TTC39B: variants seen among roughly 807,000 people sequenced by gnomAD.
TTC39B encodes the protein tetratricopeptide repeat protein 39B.
Under a neutral mutation model 96.6 loss-of-function variants are expected in TTC39B, and 92 were observed. The ratio of observed to expected loss-of-function variants is 0.95; its 90% CI spans 0.80 to 1.13. The LOEUF (loss-of-function observed/expected upper bound fraction) is 1.13. Among genes scored for constraint, TTC39B ranks in the 50% most tolerant of loss-of-function variants. The pLI is 0.00. For synonymous variants in TTC39B, 367 were observed against 299.4 expected (o/e 1.23, Z -2.33); for missense variants, 955 against 809.3 (o/e 1.18, Z -2.18).
chr9:15,237,246 C>T (rs913226217), intron 2 of TTC39B, among the ~76,000 whole-genome samples: 10 of 152,032 alleles, frequency 6.6e-5, no homozygotes, highest in South Asian at 2.1e-4. Flanking sequence ...ACCCGGGAGG[C>T]GGAGGTTGCA....
Position 15,167,005 on chromosome 9 carries a change from TA to T in TTC39B, c.*5013del, listed in dbSNP as rs1817535367. 3.5e-3 allele frequency: 27 copies of T among 7,676 alleles called. 2 individuals are homozygous for T. Among genetic ancestry groups the T allele is most frequent in the South Asian group, 0.014 (3 of 220 alleles). The allele number at this position is 7,676 out of a possible 1,614,324, so 0.5% of individuals were successfully genotyped here. A position where few individuals can be genotyped will look rare whatever the true frequency, so the allele number is the denominator to read the frequency against. On this transcript the variant is annotated 3_prime_UTR_variant, in exon 20 of 20. Transcript: ENST00000512701. The stretch of plus-strand genomic sequence containing the variant: ...TTTTATATATATATATATATATATA[TA>T]TATATATATATATATATATATATTT...
chr9:15,305,066 A>C (rs987542494), intron 1 of TTC39B, among the ~76,000 whole-genome samples: 2 of 152,074 alleles, frequency 1.3e-5, no homozygotes, highest in African/African-American at 4.8e-5. Context: ...TTCCTAGCTG[A>C]AATAAGCTAT....
intron 2 of TTC39B, among the ~76,000 whole-genome samples, chr9:15,232,913 C>T (rs983782412): frequency 6.6e-6 from 1 of 152,132 alleles, no homozygotes; most frequent in South Asian, 2.1e-4. Flanking sequence ...TGCCGGGAGA[C>T]GACGGCGGCC....
Position 15,192,128 on chromosome 9 carries a change from T to A in TTC39B, c.930+462A>T, listed in dbSNP as rs145324729. ...CTTGATCACTTTATTTTCTCACTAA[T>A]TCCAGTGAACCATCAATAAAATTTA... On this transcript the variant is annotated intron_variant, in intron 9 of 19. Coordinates refer to ENST00000512701, the Ensembl canonical transcript of TTC39B. Among the ~76,000 whole-genome samples, 345 of 152,322 alleles carry A rather than the reference T, an allele frequency of 2.3e-3. 1 individual carries two copies. The highest frequency in any genetic ancestry group is 7.7e-3 in the African/African-American group (320 of 41,570).
chr9:15,230,367 G>A (rs1821354614), intron 2 of TTC39B, among the ~76,000 whole-genome samples: 1 of 152,020 alleles, frequency 6.6e-6, no homozygotes, highest in Non-Finnish European at 1.5e-5. Flanking sequence ...CCATATATTA[G>A]CAGTCACTCC....
chr9:15,188,241 C>T, intron 13 of TTC39B, 109 bp from the exon 14 acceptor site: 1 of 1,034,976 alleles, frequency 9.7e-7, no homozygotes, highest in Non-Finnish European at 1.4e-6. Flanking sequence ...AATTATCACT[C>T]ATTAAACCTC....
Position 15,201,260 on chromosome 9 carries a change from CA to C in TTC39B, c.760-1336del, listed in dbSNP as rs201314695. Among the ~76,000 whole-genome samples, 1,420 of 134,354 alleles carry C rather than the reference CA, an allele frequency of 0.011. 100 individuals are homozygous for C. In the East Asian group the frequency reaches 0.22, roughly 21 times the overall value. 88.1% of individuals were successfully genotyped at this position (134,354 alleles called of 152,430 possible). A position where few individuals can be genotyped will look rare whatever the true frequency, so the allele number is the denominator to read the frequency against. ...TCTTAAATTAGCTTGAAATATACCT[CA>C]AAAAAAAAAAAACAAACATATCTCA... On this transcript the variant is annotated intron_variant, in intron 7 of 19. Transcript: ENST00000512701.
chr9:15,202,612 T>C lies in TTC39B; in HGVS notation c.759+1211A>G, dbSNP rs1173795142. Among the ~76,000 whole-genome samples the C allele has an allele frequency of 5.9e-5, 9 of 151,730 alleles. No homozygotes were observed. In the East Asian group the frequency reaches 1.8e-3, roughly 30 times the overall value. On this transcript the variant is annotated intron_variant, in intron 7 of 19. Transcript: ENST00000512701. ...CTGTAATCCCAGCTACTCGGGGGGC[T>C]GAGACAGAAGAACTGCTTGAACCCA... is the stretch of plus-strand genomic sequence containing the variant.
intron 2 of TTC39B, among the ~76,000 whole-genome samples, chr9:15,263,161 A>C (rs1242473671): frequency 6.6e-6 from 1 of 152,194 alleles, no homozygotes; most frequent in Non-Finnish European, 1.5e-5. Flanking sequence ...CACATGAGTC[A>C]ATTCCTTACA....
At chr9:15,307,127 T>C (rs1185239607) in exon 1 of TTC39B, 1 of 1,609,832 alleles carries the variant, frequency 6.2e-7, no homozygotes, top group East Asian at 2.2e-5. Flanking sequence ...GAGCGCCATA[T>C]TCCTCCTCTG....
intron 19 of TTC39B, 69 bp downstream of exon 19, chr9:15,174,950 C>T (rs1310518093): frequency 2.1e-6 from 2 of 931,024 alleles, no homozygotes; most frequent in Non-Finnish European, 3.5e-6. Flanking sequence ...AATGTTACTG[C>T]TGTTGTTAGA....
At chr9:15,203,260 T>C (rs540376822) in intron 7 of TTC39B, among the ~76,000 whole-genome samples, 1 of 152,126 alleles carries the variant, frequency 6.6e-6, no homozygotes, top group Non-Finnish European at 1.5e-5. Context: ...AAGTTTCTTT[T>C]TTGTTTTTGA....
chr9:15,227,805 T>C (rs937723377), intron 2 of TTC39B, among the ~76,000 whole-genome samples: 1 of 152,212 alleles, frequency 6.6e-6, no homozygotes, highest in Admixed American at 6.5e-5. Context: ...CTTTTCACAT[T>C]TGCCTTTAGC....
At chr9:15,180,135 T>C (rs528505755) in intron 17 of TTC39B, among the ~76,000 whole-genome samples, 43 of 152,318 alleles carry the variant, frequency 2.8e-4, no homozygotes, top group African/African-American at 9.6e-4. Context: ...GCTGAACTTT[T>C]ATGGTGGATA....
chr9:15,245,574 C>T (rs922331438), intron 2 of TTC39B, among the ~76,000 whole-genome samples: 24 of 152,098 alleles, frequency 1.6e-4, no homozygotes, highest in Admixed American at 9.2e-4. Flanking sequence ...TATATTGGGT[C>T]CTGGATTGCT....
At chr9:15,199,389 C>T (rs952524547) in intron 8 of TTC39B, among the ~76,000 whole-genome samples, 1 of 152,132 alleles carries the variant, frequency 6.6e-6, no homozygotes. Flanking sequence ...TCCTATAACA[C>T]TGAATACACA....
At chr9:15,172,615 C>A (rs2118414545) in intron 19 of TTC39B, among the ~76,000 whole-genome samples, 1 of 152,100 alleles carries the variant, frequency 6.6e-6, no homozygotes, top group Non-Finnish European at 1.5e-5. Flanking sequence ...ATGGTTTGGC[C>A]AATAATTACA....
intron 2 of TTC39B, chr9:15,249,791 G>A (rs1822449961): frequency 2.8e-6 from 2 of 707,584 alleles, no homozygotes. Flanking sequence ...AAAACTGCAG[G>A]TTCCAGTGAA....
intron 1 of TTC39B, among the ~76,000 whole-genome samples, chr9:15,302,616 G>T (rs1824635660): frequency 1.3e-5 from 2 of 150,884 alleles, no homozygotes; most frequent in East Asian, 3.9e-4. Flanking sequence ...GGCCGAGGTA[G>T]GTGGATCACC....
Sources: gnomAD v4.1 joint callset for allele counts (sites outside exome capture counted in the v4.1 genomes callset) on GRCh38, gnomAD v4.1.1 for gene constraint, MANE v1.5 for transcripts, NCBI Gene and HGNC (gene_info 2026-07-23, HGNC 2026-07-21) for gene names.